Variants in SEPTIN8 observed in about 807,000 individuals in gnomAD.
SEPTIN8 encodes septin-8.
SEPTIN8 carries 22 observed loss-of-function variants against 53.1 expected under a neutral mutation model. The observed-to-expected ratio is 0.41, with a 90% confidence interval of 0.30 to 0.59. The LOEUF is 0.59. Among genes scored for constraint, SEPTIN8 ranks in the 20% least tolerant of loss-of-function variants. The probability of loss-of-function intolerance (pLI) is 0.24; values close to 1 mark genes in which losing one functional copy is unlikely to be tolerated. For missense variants in SEPTIN8, 536 were observed against 638.7 expected (o/e 0.84, Z 1.73); for synonymous variants, 228 against 248.4 (o/e 0.92, Z 0.77).
chr5:132,758,751 AG>A lies in SEPTIN8; in HGVS notation c.1286+2050del, dbSNP rs1389689298. On this transcript the variant is annotated intron_variant, in intron 9 of 9. Coordinates refer to ENST00000378719, the MANE Select transcript of SEPTIN8 (RefSeq NM_001098811.2). ...ACCATGTTATGGGAGAAGGGTCACA[AG>A]GTGTAACTCAAGCAACTTAACACAT... 24 of 1,614,000 alleles carry A rather than the reference AG, an allele frequency of 1.5e-5. No individual in the cohort carries two copies. The East Asian group carries it at 5.3e-4, about 36-fold the overall frequency.
intron 1 of SEPTIN8, among the ~76,000 whole-genome samples, chr5:132,768,923 A>T (rs1490405172): frequency 6.6e-6 from 1 of 152,172 alleles, no homozygotes; most frequent in African/African-American, 2.4e-5. Flanking sequence ...ATTATCTATT[A>T]CTTGCAACTG....
upstream of SEPTIN8, among the ~76,000 whole-genome samples, chr5:132,779,701 C>G (rs929753487): frequency 2.3e-4 from 35 of 152,182 alleles, no homozygotes; most frequent in African/African-American, 6.0e-4. Context: ...AAAGACCCTT[C>G]CCTAACTTCA....
At chr5:132,764,070 G>T in intron 3 of SEPTIN8, 154 bp downstream of exon 3, 1 of 936,606 alleles carries the variant, frequency 1.1e-6, no homozygotes, top group Non-Finnish European at 1.6e-6. Context: ...GACACCTAAA[G>T]GAGTAACTGG....
Position 132,761,777 on chromosome 5 carries a change from A to G in SEPTIN8, c.793+23T>C, listed in dbSNP as rs746582958. ...CAGGGAACTCAGTTCTACCCCCAGG[A>G]TGCATTTCCTGTCCACACTCACCCT... On this transcript the variant is annotated intron_variant, in intron 6 of 9. Coordinates refer to ENST00000378719, the MANE Select transcript of SEPTIN8 (RefSeq NM_001098811.2). This position sits in a 1 kb window ranked among gnomAD's most constrained non-coding sequence, Gnocchi z 5.8. 6.3e-6 allele frequency: 10 copies of G among 1,598,934 alleles called. No homozygotes were observed. Among genetic ancestry groups the G allele is most frequent in the East Asian group, 4.5e-5 (2 of 44,548 alleles).
intron 9 of SEPTIN8, chr5:132,753,013 ACCT>A: frequency 2.0e-6 from 3 of 1,481,532 alleles, no homozygotes; most frequent in South Asian, 1.1e-5. Flanking sequence ...ATAGTGTGAA[ACCT>A]CCTTGCTTGG....
intron 1 of SEPTIN8, among the ~76,000 whole-genome samples, chr5:132,770,147 A>ATATATATATATATATATGTATATATG (rs1757169030): frequency 1.4e-5 from 1 of 70,732 alleles, no homozygotes; most frequent in Admixed American, 1.5e-4. Flanking sequence ...ATGTGTGTGT[A>ATATATATATATATATATGTATATATG]TATATATATA....
chr5:132,777,356 C>T (rs1757908104), upstream of SEPTIN8: 2 of 1,043,088 alleles, frequency 1.9e-6, no homozygotes, highest in Non-Finnish European at 2.3e-6. This position sits in a 1 kb window ranked among gnomAD's most constrained non-coding sequence, Gnocchi z 4.1. Context: ...CGGCCACGAG[C>T]GCAGCCGGAG....
chr5:132,752,151 G>A lies in SEPTIN8; in HGVS notation c.1317C>T (p.Gly439=), dbSNP rs1754898033. ...NRSDIGAHQP[G]MSLSSSKVMM... ...TCACCTTAGAGCTGGAGAGGCTCAT[G>A]CCCGGCTGGTGTGCTCCTATATCTG... is the stretch of plus-strand genomic sequence containing the variant. The change falls in exon 10 of 10, where the codon GGC becomes GGT. Residue 439 remains glycine (G), a synonymous_variant. Transcript: ENST00000378719. 4 of 1,594,274 alleles carry A rather than the reference G, an allele frequency of 2.5e-6. No homozygotes were observed. The East Asian group carries it at 9.0e-5, about 36-fold the overall frequency.
intron 1 of SEPTIN8, among the ~76,000 whole-genome samples, chr5:132,774,622 C>T (rs554837501): frequency 1.3e-4 from 20 of 152,310 alleles, no homozygotes; most frequent in Admixed American, 6.5e-4. Context: ...GGTGTGTACA[C>T]CATGCTATGT....
chr5:132,768,726 C>T (rs569458454), intron 1 of SEPTIN8, among the ~76,000 whole-genome samples: 2 of 152,310 alleles, frequency 1.3e-5, no homozygotes, highest in Admixed American at 6.5e-5. Context: ...AGGCAAGTGA[C>T]GCAGGTTGAG....
chr5:132,755,096 A>ATACTT (rs1473387551), intron 9 of SEPTIN8, among the ~76,000 whole-genome samples: 1 of 152,090 alleles, frequency 6.6e-6, no homozygotes, highest in Non-Finnish European at 1.5e-5. Context: ...AGCTTGGTGA[A>ATACTT]TACTTTACTT....
At chr5:132,756,129 G>T in intron 9 of SEPTIN8, 2 of 985,398 alleles carry the variant, frequency 2.0e-6, no homozygotes, top group Non-Finnish European at 2.4e-6. Flanking sequence ...GCATGTTAAC[G>T]TAACAGACTA....
rs1754829362 is a variant in SEPTIN8, at chr5:132,751,372, C to T, written c.*644G>A. 1 of 198,508 alleles carries T rather than the reference C, an allele frequency of 5.0e-6. No individual in the cohort carries two copies. The highest frequency in any genetic ancestry group is 1.0e-5 in the Non-Finnish European group (1 of 98,272). The allele number at this position is 198,508 out of a possible 1,614,324, so 12.3% of individuals were successfully genotyped here. On this transcript the variant is annotated 3_prime_UTR_variant, in exon 10 of 10. Transcript: ENST00000378719. ...ACATTCACTTAGCTGTCTTTATTCA[C>T]CTACACACAATCCTTATTGAAGCTT...
At chr5:132,758,680 A>G (rs770303754) in intron 9 of SEPTIN8, 11 of 1,597,554 alleles carry the variant, frequency 6.9e-6, no homozygotes, top group Non-Finnish European at 9.4e-6. Flanking sequence ...GAGGAAAGCA[A>G]GGCTGTAAAC....
chr5:132,767,943 CCACACACACACACACACACACACA>C (rs57640097), intron 1 of SEPTIN8, among the ~76,000 whole-genome samples: 1 of 127,908 alleles, frequency 7.8e-6, no homozygotes, highest in African/African-American at 2.9e-5. Context: ...TGTCTGGAAA[CCACACACACACACACACACACACA>C]CACACACACA....
rs544269617 is a variant in SEPTIN8, at chr5:132,760,052, C to G, written c.1286+750G>C. 6.6e-6 allele frequency among the ~76,000 whole-genome samples: 1 copy of G among 152,184 alleles called. No individual in the cohort carries two copies. Among genetic ancestry groups the G allele is most frequent in the South Asian group, 2.1e-4 (1 of 4,822 alleles). ...TCCAGCCTCTACTTGAGGGGCAGCT[C>G]TTCTCCCCAAAAGAACCCACAGAGC... On this transcript the variant is annotated intron_variant, in intron 9 of 9. Coordinates refer to ENST00000378719, the MANE Select transcript of SEPTIN8 (RefSeq NM_001098811.2). This position sits in a 1 kb window ranked among gnomAD's most constrained non-coding sequence, Gnocchi z 5.2.
At chr5:132,778,215 G>A (rs1757949032), upstream of SEPTIN8, 4 of 545,484 alleles carry the variant, frequency 7.3e-6, no homozygotes, top group Non-Finnish European at 9.3e-6. Flanking sequence ...TTCTGGGAAT[G>A]TGGCAAGGTT....
intron 9 of SEPTIN8, chr5:132,758,156 A>T (rs1463172718): frequency 9.6e-7 from 1 of 1,041,758 alleles, no homozygotes; most frequent in Non-Finnish European, 1.2e-6. Flanking sequence ...CATTACAGGA[A>T]GTTTATTACC....
chr5:132,776,981 G>T lies in SEPTIN8; in HGVS notation c.30+127C>A. The stretch of plus-strand genomic sequence containing the variant: ...CGAGAGCCCGCGCCGGGGTCCTCGA[G>T]CTGGCCCGGTGTCGAGGCCCGGCCG... On this transcript the variant is annotated intron_variant, in intron 1 of 9. Coordinates refer to ENST00000378719, the MANE Select transcript of SEPTIN8 (RefSeq NM_001098811.2). This position sits in a 1 kb window ranked among gnomAD's most constrained non-coding sequence, Gnocchi z 4.4. 1 of 509,348 alleles carries T rather than the reference G, an allele frequency of 2.0e-6. No individual in the cohort carries two copies. Among genetic ancestry groups the T allele is most frequent in the Non-Finnish European group, 2.7e-6 (1 of 363,978 alleles). The allele number at this position is 509,348 out of a possible 1,614,324, so 31.6% of individuals were successfully genotyped here. A position where few individuals can be genotyped will look rare whatever the true frequency, so the allele number is the denominator to read the frequency against.
Sources: allele counts gnomAD v4.1 joint callset (sites outside exome capture counted in the v4.1 genomes callset), GRCh38; gene constraint gnomAD v4.1.1; non-coding constraint Gnocchi (gnomAD v3.1); transcripts MANE v1.5; gene names NCBI Gene and HGNC (gene_info 2026-07-23, HGNC 2026-07-21).